Variants in RGS9 observed in about 807,000 individuals in gnomAD.
RGS9 encodes the protein regulator of G protein signaling 9, also known as regulator of G-protein signalling 9.
RGS9 carries 78 observed loss-of-function variants against 102.0 expected under a neutral mutation model. That is an observed-to-expected ratio of 0.76 (90% confidence interval 0.64 to 0.92). The LOEUF is 0.92. Among genes scored for constraint, RGS9 ranks in the 40% least tolerant of loss-of-function variants. The probability of loss-of-function intolerance (pLI) is 0.00; values close to 1 mark genes in which losing one functional copy is unlikely to be tolerated. For synonymous variants in RGS9, 353 were observed against 318.6 expected, an observed-to-expected ratio of 1.11 and a Z score of -1.15; for missense variants, 833 against 866.1, an observed-to-expected ratio of 0.96 and a Z score of 0.48.
At chr17:65,199,319 C>T (rs556320902) in intron 13 of RGS9, among the ~76,000 whole-genome samples, 3 of 152,214 alleles carry the variant, frequency 2.0e-5, no homozygotes, top group Middle Eastern at 3.4e-3. Context: ...GCTTCTCCTG[C>T]ACCCCAGCCC....
chr17:65,142,282 C>G (rs1448125908), intron 1 of RGS9, among the ~76,000 whole-genome samples: 1 of 152,044 alleles, frequency 6.6e-6, no homozygotes, highest in Admixed American at 6.6e-5. Flanking sequence ...AACAAACAAA[C>G]AAAAAGAAAA....
At chr17:65,195,663 G>A (rs1912557447) in intron 12 of RGS9, among the ~76,000 whole-genome samples, 1 of 152,098 alleles carries the variant, frequency 6.6e-6, no homozygotes, top group Admixed American at 6.5e-5. Flanking sequence ...GGGAAGTCTT[G>A]TTCTTAATGG....
intron 13 of RGS9, among the ~76,000 whole-genome samples, chr17:65,199,815 T>C (rs116047171): frequency 6.8e-6 from 1 of 146,484 alleles, no homozygotes; most frequent in Non-Finnish European, 1.5e-5. Flanking sequence ...TTTTAATGAC[T>C]GCATAATATT....
chr17:65,214,896 T>C (rs138131420), intron 17 of RGS9, among the ~76,000 whole-genome samples: 19 of 152,344 alleles, frequency 1.2e-4, no homozygotes, highest in African/African-American at 4.6e-4. Context: ...CCCTGGCTGA[T>C]TTAGATGCCC....
At chr17:65,224,923 T>A in intron 17 of RGS9, 79 bp from the exon 18 acceptor site, 2 of 1,584,596 alleles carry the variant, frequency 1.3e-6, no homozygotes, top group Non-Finnish European at 1.7e-6. Context: ...GGGACTAAGT[T>A]AGCAGAGGAC....
chr17:65,161,339 C>T (rs912541815), intron 6 of RGS9, among the ~76,000 whole-genome samples: 14 of 152,318 alleles, frequency 9.2e-5, no homozygotes, highest in Middle Eastern at 3.4e-3. Context: ...GCAACCTCCA[C>T]CTTCCAGGTT....
At chr17:65,205,421 A>G (rs1913015604) in intron 15 of RGS9, among the ~76,000 whole-genome samples, 1 of 152,178 alleles carries the variant, frequency 6.6e-6, no homozygotes, top group South Asian at 2.1e-4. Flanking sequence ...GTTATGTGAT[A>G]TAGACCATCT....
At chr17:65,182,819 C>T (rs772154261) in intron 9 of RGS9, among the ~76,000 whole-genome samples, 1 of 152,156 alleles carries the variant, frequency 6.6e-6, no homozygotes, top group Non-Finnish European at 1.5e-5. Flanking sequence ...TGTACAGCCG[C>T]CCAAGACCCC....
At chr17:65,159,766 G>A (rs933671615) in intron 3 of RGS9, among the ~76,000 whole-genome samples, 2 of 152,220 alleles carry the variant, frequency 1.3e-5, no homozygotes, top group African/African-American at 4.8e-5. Flanking sequence ...GACCCGAGAT[G>A]CAGGCAGAGG....
At chr17:65,169,872 C>A (rs994051120) in intron 8 of RGS9, among the ~76,000 whole-genome samples, 5 of 151,654 alleles carry the variant, frequency 3.3e-5, no homozygotes, top group African/African-American at 1.2e-4. Context: ...ACCTCCCACT[C>A]CCTCACCTCC....
At chr17:65,139,788 G>A (rs1910086297) in intron 1 of RGS9, among the ~76,000 whole-genome samples, 1 of 152,186 alleles carries the variant, frequency 6.6e-6, no homozygotes, top group Admixed American at 6.5e-5. Context: ...CCCTGTCTAT[G>A]TATCCTCTAT....
At chr17:65,225,819 G>A (rs1229976095) in intron 18 of RGS9, among the ~76,000 whole-genome samples, 6 of 152,224 alleles carry the variant, frequency 3.9e-5, no homozygotes, top group South Asian at 2.1e-4. Context: ...CATCTGTAAA[G>A]AGCAGGAAAG....
At chr17:65,214,682 C>T (rs1913422875) in intron 17 of RGS9, among the ~76,000 whole-genome samples, 2 of 152,198 alleles carry the variant, frequency 1.3e-5, no homozygotes, top group South Asian at 4.1e-4. Context: ...AGTAGGTGTC[C>T]TTATAACACC....
chr17:65,227,481 GAC>G lies in RGS9; in HGVS notation c.*79_*80del, dbSNP rs1905749431. On this transcript the variant is annotated 3_prime_UTR_variant, in exon 19 of 19. Transcript: ENST00000262406. The stretch of plus-strand genomic sequence containing the variant: ...ACAGATGCCATGGTATGGGCCACAG[GAC>G]ACACTTGCTCGAGAACCAAAGTGCA... 1.3e-6 allele frequency: 2 copies of G among 1,551,498 alleles called. No homozygotes were observed. Among genetic ancestry groups the G allele is most frequent in the Non-Finnish European group, 1.7e-6 (2 of 1,143,980 alleles).
intron 17 of RGS9, among the ~76,000 whole-genome samples, chr17:65,214,782 G>A (rs1266080983): frequency 6.6e-6 from 1 of 152,178 alleles, no homozygotes; most frequent in Non-Finnish European, 1.5e-5. Flanking sequence ...CTGAGCACAG[G>A]GTCCAGGAAG....
intron 17 of RGS9, among the ~76,000 whole-genome samples, chr17:65,223,314 G>A (rs1905443964): frequency 6.6e-6 from 1 of 152,224 alleles, no homozygotes; most frequent in Admixed American, 6.5e-5. Flanking sequence ...CCACCCTGTG[G>A]GATTCTGGGC....
At chr17:65,158,196 GC>G in intron 2 of RGS9, 98 bp from the exon 3 acceptor site, 1 of 1,094,298 alleles carries the variant, frequency 9.1e-7, no homozygotes, top group Non-Finnish European at 1.4e-6. Flanking sequence ...GAATGAAATC[GC>G]AGCTGAACGG....
rs773088182 is a variant in RGS9, at chr17:65,160,327, C to A, written c.300C>A (p.Leu100=). The change falls in exon 4 of 19, where the codon CTC becomes CTA. Residue 100 remains leucine (L), a synonymous_variant. Transcript: ENST00000262406. ...KNLILKPDGS[L]YRFQTPYFWP... ...TCATTCTCAAGCCTGATGGCAGCCT[C>A]TACAGATTTCAGGTGAGTCTTGGCC... 6.2e-7 allele frequency: 1 copy of A among 1,613,686 alleles called. No individual in the cohort carries two copies. The highest frequency in any genetic ancestry group is 8.5e-7 in the Non-Finnish European group (1 of 1,179,546).
chr17:65,164,802 A>G (rs1354806848), intron 7 of RGS9, among the ~76,000 whole-genome samples: 2 of 152,174 alleles, frequency 1.3e-5, no homozygotes, highest in African/African-American at 4.8e-5. Context: ...GTTATCTTTA[A>G]TCACTTATAT....
Sources: allele counts gnomAD v4.1 joint callset (sites outside exome capture counted in the v4.1 genomes callset), GRCh38; gene constraint gnomAD v4.1.1; transcripts MANE v1.5; gene names NCBI Gene and HGNC (gene_info 2026-07-23, HGNC 2026-07-21).